The following IPCEF1 variants were observed in gnomAD, a reference collection of about 807,000 sequenced individuals.
The protein encoded by IPCEF1 is interaction protein for cytohesin exchange factors 1.
IPCEF1 carries 31 observed loss-of-function variants against 50.9 expected under a neutral mutation model. The observed-to-expected ratio is 0.61, with a 90% CI of 0.46 to 0.82. The LOEUF (loss-of-function observed/expected upper bound fraction) is 0.82. Ranked by LOEUF, IPCEF1 falls within the 40% of genes least tolerant of loss-of-function variation. The probability of loss-of-function intolerance (pLI) is 0.00; values close to 1 mark genes in which losing one functional copy is unlikely to be tolerated. For synonymous variants in IPCEF1, 181 were observed against 192.0 expected, an observed-to-expected ratio of 0.94 and a Z score of 0.47; for missense variants, 458 against 514.0, an observed-to-expected ratio of 0.89 and a Z score of 1.05.
chr6:154,270,407 G>T (rs1296928497), intron 2 of IPCEF1, among the ~76,000 whole-genome samples: 1 of 152,154 alleles, frequency 6.6e-6, no homozygotes, highest in Non-Finnish European at 1.5e-5. Context: ...AATAGGATTA[G>T]AATTAGTTCT....
chr6:154,296,941 G>A (rs898311745), intron 1 of IPCEF1, among the ~76,000 whole-genome samples: 1 of 152,192 alleles, frequency 6.6e-6, no homozygotes, highest in African/African-American at 2.4e-5. Context: ...CACAGTGGAA[G>A]TCAGGAGGAT....
Position 154,156,566 on chromosome 6 carries a change from A to G in IPCEF1, c.*3262T>C, listed in dbSNP as rs557895836. The G allele has an allele frequency of 2.0e-5, 3 of 152,336 alleles. No homozygotes were observed. Among genetic ancestry groups the G allele is most frequent in the Admixed American group, 1.3e-4 (2 of 15,296 alleles). 9.4% of individuals were successfully genotyped at this position (152,336 alleles called of 1,614,324 possible). On this transcript the variant is annotated 3_prime_UTR_variant, in exon 12 of 12. Transcript: ENST00000367220. ...GCGGGAGGGGGCTGAAAACACACCA[A>G]TTTGCAAACTACAAAGTGCTGTGTA...
At chr6:154,191,677 AACAACAAC>A in intron 10 of IPCEF1, among the ~76,000 whole-genome samples, 1 of 83,712 alleles carries the variant, frequency 1.2e-5, no homozygotes, top group African/African-American at 4.6e-5. Context: ...TTGCCTCAAC[AACAACAAC>A]AACAACAACA....
At chr6:154,302,613 T>C (rs948518048) in intron 1 of IPCEF1, among the ~76,000 whole-genome samples, 2 of 152,258 alleles carry the variant, frequency 1.3e-5, no homozygotes, top group African/African-American at 4.8e-5. Context: ...TAGCTGGGAC[T>C]ATAGACATGT....
intron 5 of IPCEF1, among the ~76,000 whole-genome samples, chr6:154,227,119 G>A (rs150732050): frequency 0.012 from 1,897 of 152,138 alleles, 47 homozygotes; most frequent in African/African-American, 0.043. Flanking sequence ...CAGGAGAATC[G>A]CTTGAACCTG....
At chr6:154,334,038 C>T (rs1287767688) in intron 1 of IPCEF1, among the ~76,000 whole-genome samples, 1 of 151,972 alleles carries the variant, frequency 6.6e-6, no homozygotes, top group Non-Finnish European at 1.5e-5. Flanking sequence ...TTCAAAAACA[C>T]ATGGCGTAGC....
At chr6:154,170,274 A>C (rs1055859580) in intron 10 of IPCEF1, among the ~76,000 whole-genome samples, 1 of 152,198 alleles carries the variant, frequency 6.6e-6, no homozygotes, top group Non-Finnish European at 1.5e-5. Flanking sequence ...CTTCCTGTCC[A>C]AAGAACCAGC....
chr6:154,165,920 C>T (rs1799389235), intron 11 of IPCEF1, among the ~76,000 whole-genome samples: 1 of 152,234 alleles, frequency 6.6e-6, no homozygotes, highest in Non-Finnish European at 1.5e-5. Context: ...CAGAGGGCAA[C>T]TGAGACCCTC....
chr6:154,326,889 A>G (rs1783534492), intron 1 of IPCEF1, among the ~76,000 whole-genome samples: 3 of 152,148 alleles, frequency 2.0e-5, no homozygotes, highest in Admixed American at 1.3e-4. Context: ...GGAAGAGAAA[A>G]GAGATCTCAG....
chr6:154,295,867 GCACA>G (rs59302680), intron 1 of IPCEF1, among the ~76,000 whole-genome samples: 1,991 of 147,840 alleles, frequency 0.013, 34 homozygotes, highest in African/African-American at 0.041. Context: ...ATGTGCACAC[GCACA>G]CACACACACA....
intron 5 of IPCEF1, among the ~76,000 whole-genome samples, chr6:154,235,919 G>A (rs924670602): frequency 1.8e-4 from 28 of 152,206 alleles, no homozygotes; most frequent in Non-Finnish European, 1.9e-4. Flanking sequence ...TGAGGATGTA[G>A]AGAAAATGGA....
chr6:154,257,173 T>C (rs967016444), intron 3 of IPCEF1, among the ~76,000 whole-genome samples: 18 of 152,308 alleles, frequency 1.2e-4, no homozygotes, highest in Admixed American at 3.9e-4. Context: ...CTGTATCTCC[T>C]TCCTCCCAGG....
intron 1 of IPCEF1, among the ~76,000 whole-genome samples, chr6:154,301,155 T>C (rs1402881152): frequency 6.6e-6 from 1 of 152,162 alleles, no homozygotes; most frequent in Admixed American, 6.5e-5. Flanking sequence ...TAGTTACACC[T>C]GTTTAGATTT....
rs1798648091 is a variant in IPCEF1, at chr6:154,154,848, A to G, written c.*4980T>C. 1 of 152,594 alleles carries G rather than the reference A, an allele frequency of 6.6e-6. No homozygotes were observed. Among genetic ancestry groups the G allele is most frequent in the South Asian group, 2.1e-4 (1 of 4,830 alleles). 9.5% of individuals were successfully genotyped at this position (152,594 alleles called of 1,614,324 possible). On this transcript the variant is annotated 3_prime_UTR_variant, in exon 12 of 12. Transcript: ENST00000367220. Reference sequence around the variant, plus strand: ...CAGGATGAGAGCACAGTAAAACTTAAGCTAAGATTTCCACATTAATATCTT... The same window carrying G: ...CAGGATGAGAGCACAGTAAAACTTAGGCTAAGATTTCCACATTAATATCTT...
intron 7 of IPCEF1, among the ~76,000 whole-genome samples, chr6:154,215,329 C>T (rs888970602): frequency 1.3e-5 from 2 of 152,118 alleles, no homozygotes; most frequent in African/African-American, 4.8e-5. Flanking sequence ...AAATTCAATG[C>T]CGGGAGCGGT....
At chr6:154,259,895 G>A (rs1301574098) in intron 3 of IPCEF1, among the ~76,000 whole-genome samples, 1 of 152,042 alleles carries the variant, frequency 6.6e-6, no homozygotes, top group East Asian at 1.9e-4. Flanking sequence ...TTCAACATAG[G>A]GTTATGTTGA....
intron 10 of IPCEF1, among the ~76,000 whole-genome samples, chr6:154,177,721 G>A (rs1800464009): frequency 6.6e-6 from 1 of 152,206 alleles, no homozygotes; most frequent in Non-Finnish European, 1.5e-5. Flanking sequence ...CATTGTGGAA[G>A]ACAGTGTGGT....
chr6:154,250,250 A>T (rs1448019977), intron 3 of IPCEF1, among the ~76,000 whole-genome samples: 1 of 151,548 alleles, frequency 6.6e-6, no homozygotes. Flanking sequence ...TCGCTAGGTA[A>T]GTAAAAAAAA....
intron 2 of IPCEF1, among the ~76,000 whole-genome samples, chr6:154,288,889 C>T (rs577724852): frequency 5.1e-4 from 77 of 151,980 alleles, no homozygotes; most frequent in African/African-American, 1.8e-3. Context: ...CATAACGAGA[C>T]CCCCTCTTTA....
Sources: gnomAD v4.1 joint callset for allele counts (sites outside exome capture counted in the v4.1 genomes callset) on GRCh38, gnomAD v4.1.1 for gene constraint, MANE v1.5 for transcripts, NCBI Gene and HGNC (gene_info 2026-07-23, HGNC 2026-07-21) for gene names.